The following CADPS2 variants were observed in gnomAD, a reference collection of about 807,000 sequenced individuals.
CADPS2 encodes the protein calcium dependent secretion activator 2, also known as calcium-dependent secretion activator 2.
In CADPS2, 93 loss-of-function variants were observed where a neutral mutation model predicts 172.5. That is an observed-to-expected ratio of 0.54 (90% CI 0.46 to 0.64). The LOEUF (loss-of-function observed/expected upper bound fraction) is 0.64. Among genes scored for constraint, CADPS2 ranks in the 30% least tolerant of loss-of-function variants. The pLI is 0.00. For synonymous variants in CADPS2, 546 were observed against 555.2 expected, an observed-to-expected ratio of 0.98 and a Z score of 0.23; for missense variants, 1,420 against 1,565.9, an observed-to-expected ratio of 0.91 and a Z score of 1.57.
chr7:122,521,897 T>A lies in CADPS2; in HGVS notation c.1476-8582A>T, dbSNP rs529594339. On this transcript the variant is annotated intron_variant, in intron 8 of 29. Transcript: ENST00000449022. ...ATCTCAGTTAAATCCAAGTTAAGCCTCAGCTCATATCAGCACTGTAACAGT... is the reference window on the plus strand; with the variant it reads ...ATCTCAGTTAAATCCAAGTTAAGCCACAGCTCATATCAGCACTGTAACAGT... Among the ~76,000 whole-genome samples the A allele has an allele frequency of 2.3e-4, 35 of 152,210 alleles. 1 individual carries two copies. The East Asian group carries it at 4.5e-3, about 19-fold the overall frequency.
At chr7:122,512,804 C>G (rs768323823) in intron 9 of CADPS2, among the ~76,000 whole-genome samples, 5 of 151,810 alleles carry the variant, frequency 3.3e-5, no homozygotes, top group Non-Finnish European at 7.4e-5. Flanking sequence ...TCTTGGAATC[C>G]CAGAGATCTC....
chr7:122,735,231 G>GAA (rs1312083927), intron 2 of CADPS2, among the ~76,000 whole-genome samples: 1 of 152,064 alleles, frequency 6.6e-6, no homozygotes, highest in Non-Finnish European at 1.5e-5. Context: ...ATATTAGGTT[G>GAA]AAATCTTCCC....
At chr7:122,763,291 G>A (rs779076317) in intron 1 of CADPS2, among the ~76,000 whole-genome samples, 3 of 152,118 alleles carry the variant, frequency 2.0e-5, no homozygotes, top group Admixed American at 6.6e-5. Flanking sequence ...ACAAGTCTAT[G>A]AAACTAAGGG....
intron 1 of CADPS2, among the ~76,000 whole-genome samples, chr7:122,806,762 C>T (rs1197105899): frequency 6.6e-6 from 1 of 152,120 alleles, no homozygotes; most frequent in Non-Finnish European, 1.5e-5. Flanking sequence ...TAATAATATT[C>T]AAATATAGAA....
rs1485748309 is a variant in CADPS2 at position 122,367,538 on chromosome 7, A to AGTTT, written c.3388-6529_3388-6526dup. On this transcript the variant is annotated intron_variant, in intron 25 of 29. Coordinates refer to ENST00000449022, the MANE Select transcript of CADPS2 (RefSeq NM_017954.11). ...TTAACCATATTCTAAACCTTCCCCC[A>AGTTT]GTTTTTTTTTTTTTTTTTTTTTTTT... Among the ~76,000 whole-genome samples the AGTTT allele has an allele frequency of 4.4e-4, 20 of 45,480 alleles. 1 individual carries two copies. In the East Asian group the frequency reaches 9.7e-3, roughly 22 times the overall value. The allele number at this position is 45,480 out of a possible 152,430, so 29.8% of individuals were successfully genotyped here.
intron 3 of CADPS2, among the ~76,000 whole-genome samples, chr7:122,636,980 A>T (rs1251876368): frequency 6.6e-6 from 1 of 151,994 alleles, no homozygotes; most frequent in Non-Finnish European, 1.5e-5. Context: ...CAGGAATGCC[A>T]ATGAGTTGTA....
intron 2 of CADPS2, among the ~76,000 whole-genome samples, chr7:122,714,095 C>G (rs1244648444): frequency 6.6e-6 from 1 of 151,978 alleles, no homozygotes; most frequent in Non-Finnish European, 1.5e-5. Context: ...AGGAGGTTAC[C>G]ATGACAGAAA....
At chr7:122,524,975 C>T (rs2061095275) in intron 8 of CADPS2, among the ~76,000 whole-genome samples, 1 of 151,904 alleles carries the variant, frequency 6.6e-6, no homozygotes, top group African/African-American at 2.4e-5. Flanking sequence ...TGGCAAAAAC[C>T]CCATCTCTAC....
At chr7:122,642,694 T>C (rs1282561534) in intron 3 of CADPS2, among the ~76,000 whole-genome samples, 1 of 152,174 alleles carries the variant, frequency 6.6e-6, no homozygotes, top group Non-Finnish European at 1.5e-5. Flanking sequence ...CTGTTTAGCA[T>C]CATTGCCCTC....
chr7:122,399,200 A>G (rs1309612573), intron 20 of CADPS2, among the ~76,000 whole-genome samples: 2 of 152,194 alleles, frequency 1.3e-5, no homozygotes, highest in Non-Finnish European at 2.9e-5. Flanking sequence ...TTAAAACTAT[A>G]ATGAAAAAAT....
At chr7:122,545,147 T>A (rs573292700) in intron 8 of CADPS2, among the ~76,000 whole-genome samples, 2 of 152,072 alleles carry the variant, frequency 1.3e-5, no homozygotes, top group Non-Finnish European at 2.9e-5. Flanking sequence ...GTAATCTTCA[T>A]GAGGCAGAGG....
intron 2 of CADPS2, among the ~76,000 whole-genome samples, chr7:122,709,659 A>C (rs1368219996): frequency 6.6e-6 from 1 of 152,100 alleles, no homozygotes; most frequent in African/African-American, 2.4e-5. Flanking sequence ...AACCAACCCA[A>C]ATGTCCAACA....
In CADPS2 at chr7:122,361,248, A is replaced by ATTTTTTTTTTTT. The variant is rs1181719835; in HGVS notation, c.3388-236_3388-235insAAAAAAAAAAAA. On this transcript the variant is annotated intron_variant, in intron 25 of 29. Coordinates refer to ENST00000449022, the MANE Select transcript of CADPS2 (RefSeq NM_017954.11). Reference sequence around the variant, plus strand: ...ACTTTTTTTTTTTTTTTTTTTTTTAAAATGAGATGGAGGCTTGCTCTGTCA... The same window carrying ATTTTTTTTTTTT: ...ACTTTTTTTTTTTTTTTTTTTTTTAATTTTTTTTTTTTAATGAGATGGAGGCTTGCTCTGTCA... Among the ~76,000 whole-genome samples, 19 of 111,176 alleles carry ATTTTTTTTTTTT rather than the reference A, an allele frequency of 1.7e-4. 1 individual carries two copies. The highest frequency in any genetic ancestry group is 7.1e-4 in the African/African-American group (19 of 26,896). 72.9% of individuals were successfully genotyped at this position (111,176 alleles called of 152,430 possible).
intron 8 of CADPS2, among the ~76,000 whole-genome samples, chr7:122,516,240 A>G (rs2060365744): frequency 6.6e-6 from 1 of 152,204 alleles, no homozygotes; most frequent in Non-Finnish European, 1.5e-5. Flanking sequence ...AACACATTGA[A>G]AAATGAGTGA....
chr7:122,491,154 A>G (rs541062040), intron 10 of CADPS2, among the ~76,000 whole-genome samples, 158 bp downstream of exon 10: 1 of 152,326 alleles, frequency 6.6e-6, no homozygotes, highest in Non-Finnish European at 1.5e-5. Context: ...GCCCTCCAAA[A>G]GAGATAATTT....
intron 23 of CADPS2, among the ~76,000 whole-genome samples, chr7:122,388,060 A>G (rs2043903189): frequency 6.6e-6 from 1 of 152,118 alleles, no homozygotes; most frequent in Non-Finnish European, 1.5e-5. Flanking sequence ...CACATTTGGA[A>G]GAATATGAAG....
chr7:122,558,492 C>G (rs2065310567), intron 7 of CADPS2, among the ~76,000 whole-genome samples: 1 of 152,082 alleles, frequency 6.6e-6, no homozygotes, highest in South Asian at 2.1e-4. Flanking sequence ...AATGTCTTGT[C>G]AGCATGGCAC....
intron 3 of CADPS2, 132 bp downstream of exon 3, chr7:122,663,105 C>T (rs1247322394): frequency 3.0e-6 from 2 of 671,936 alleles, no homozygotes; most frequent in African/African-American, 1.8e-5. Flanking sequence ...GTGATCTATT[C>T]AAATTCAATT....
chr7:122,727,451 T>C (rs1055596640), intron 2 of CADPS2, among the ~76,000 whole-genome samples: 2 of 151,722 alleles, frequency 1.3e-5, no homozygotes, highest in South Asian at 2.1e-4. Context: ...CCCACCTATA[T>C]AGATGTACTA....
Sources: allele counts gnomAD v4.1 joint callset (sites outside exome capture counted in the v4.1 genomes callset), GRCh38; gene constraint gnomAD v4.1.1; transcripts MANE v1.5; gene names NCBI Gene and HGNC (gene_info 2026-07-23, HGNC 2026-07-21).